The following ZNF532 variants were observed in gnomAD, a reference collection of about 807,000 sequenced individuals.
ZNF532 encodes zinc finger protein 532.
ZNF532 carries 22 observed loss-of-function variants against 89.3 expected under a neutral mutation model. The ratio of observed to expected loss-of-function variants is 0.25; its 90% CI spans 0.18 to 0.35. The LOEUF (loss-of-function observed/expected upper bound fraction) is 0.35. Ranked by LOEUF, ZNF532 falls within the 10% of genes least tolerant of loss-of-function variation. ZNF532 has a pLI of 1.00. For synonymous variants in ZNF532, 606 were observed against 649.6 expected (o/e 0.93, Z 1.02); for missense variants, 1,132 against 1,643.4 (o/e 0.69, Z 5.38).
chr18:58,920,758 G>A, intron 3 of ZNF532, 125 bp downstream of exon 3: 2 of 622,680 alleles, frequency 3.2e-6, no homozygotes, highest in Non-Finnish European at 5.4e-6. Context: ...GTGTGTGTGT[G>A]TGTGTGTGTG....
rs1023447749 is a variant in ZNF532 at position 58,985,146 on chromosome 18, C to T, written c.*680C>T. ...GAAGCTAGGAATCTAATAAGGAATG[C>T]TGATTTCCTCAGTTCCATTTTGAGG... is the stretch of plus-strand genomic sequence containing the variant. On this transcript the variant is annotated 3_prime_UTR_variant, in exon 10 of 10. Coordinates refer to ENST00000591808, the MANE Select transcript of ZNF532 (RefSeq NM_001375912.1). 2 of 152,080 alleles carry T rather than the reference C, an allele frequency of 1.3e-5. No homozygotes were observed. Among genetic ancestry groups the T allele is most frequent in the Non-Finnish European group, 2.9e-5 (2 of 68,010 alleles). 9.4% of individuals were successfully genotyped at this position (152,080 alleles called of 1,614,324 possible). A position where few individuals can be genotyped will look rare whatever the true frequency, so the allele number is the denominator to read the frequency against.
At chr18:58,931,744 C>G (rs1482554516) in intron 3 of ZNF532, 1 of 151,178 alleles carries the variant, frequency 6.6e-6, no homozygotes, top group Non-Finnish European at 1.5e-5. Flanking sequence ...TGAGAGCAGC[C>G]TTGACAATAT....
At chr18:58,966,740 T>TCTG (rs1157316851) in intron 7 of ZNF532, among the ~76,000 whole-genome samples, 5 of 82,256 alleles carry the variant, frequency 6.1e-5, no homozygotes, top group Non-Finnish European at 8.6e-5. Context: ...TTTTTTGTGT[T>TCTG]TTTTTTTTTT....
At chr18:58,900,268 C>G (rs1030984285) in intron 2 of ZNF532, among the ~76,000 whole-genome samples, 2 of 152,158 alleles carry the variant, frequency 1.3e-5, no homozygotes, top group East Asian at 3.8e-4. Context: ...TTTTGTTTTC[C>G]TAGGAGACTT....
At chr18:58,868,688 G>A (rs1334498937) in intron 2 of ZNF532, among the ~76,000 whole-genome samples, 3 of 152,254 alleles carry the variant, frequency 2.0e-5, no homozygotes, top group African/African-American at 4.8e-5. Context: ...CTGGGTGAAG[G>A]ACATTAGGGT....
At chr18:58,894,908 T>G (rs878899636) in intron 2 of ZNF532, among the ~76,000 whole-genome samples, 4 of 152,184 alleles carry the variant, frequency 2.6e-5, no homozygotes, top group Admixed American at 2.0e-4. Flanking sequence ...AGGAGGATCA[T>G]GTGAGCCCAG....
intron 2 of ZNF532, among the ~76,000 whole-genome samples, chr18:58,914,371 A>T (rs17761556): frequency 0.036 from 5,527 of 152,352 alleles, 98 homozygotes; most frequent in East Asian, 0.058. Flanking sequence ...TCATTTATAT[A>T]GGGTTTACTT....
chr18:58,863,525 C>CGCCGCCGCG (rs1568188197), upstream of ZNF532: 3 of 144,624 alleles, frequency 2.1e-5, no homozygotes, highest in Non-Finnish European at 3.1e-5. Flanking sequence ...CCGCCGCCGC[C>CGCCGCCGCG]CGGCCCGGCG....
Position 58,869,248 on chromosome 18 carries a change from C to T in ZNF532, c.-18+3669C>T, listed in dbSNP as rs772907884. 3.9e-5 allele frequency among the ~76,000 whole-genome samples: 6 copies of T among 152,214 alleles called. No homozygotes were observed. In the East Asian group the frequency reaches 5.8e-4, roughly 15 times the overall value. On this transcript the variant is annotated intron_variant, in intron 2 of 9. Transcript: ENST00000591808. Reference sequence around the variant, plus strand: ...CTTGTAACTCACAAAAAAGATCTAGCGTTGACAGCTGCAGTTAAGACTCGC... The same window carrying T: ...CTTGTAACTCACAAAAAAGATCTAGTGTTGACAGCTGCAGTTAAGACTCGC...
rs756914278 is a variant in ZNF532 at position 58,918,545 on chromosome 18, C to T, written c.258C>T (p.Gly86=). The T allele has an allele frequency of 1.9e-6, 3 of 1,614,190 alleles. No homozygotes were observed. The South Asian group carries it at 3.3e-5, about 18-fold the overall frequency. The part of the protein sequence containing the change: ...GGEKDGHNPT[G]NGLHNGFLTA... ...AGAAAGACGGCCACAACCCCACTGG[C>T]AATGGCTTACATAATGGGTTTCTCA... The change falls in exon 3 of 10, where the codon GGC becomes GGT. Residue 86 remains glycine (G), a synonymous_variant. Coordinates refer to ENST00000591808, the MANE Select transcript of ZNF532 (RefSeq NM_001375912.1).
chr18:58,979,872 C>T (rs1303176564), intron 8 of ZNF532: 2 of 152,398 alleles, frequency 1.3e-5, no homozygotes, highest in Non-Finnish European at 2.9e-5. Context: ...AGCCTGTGAC[C>T]AAATGCAAGG....
intron 2 of ZNF532, among the ~76,000 whole-genome samples, chr18:58,900,404 C>T (rs761978521): frequency 2.6e-5 from 4 of 152,210 alleles, no homozygotes; most frequent in African/African-American, 7.2e-5. Context: ...TGAGCTTCCA[C>T]GGCTTTGATA....
chr18:58,880,837 G>T (rs1187060387), intron 2 of ZNF532, among the ~76,000 whole-genome samples: 1 of 147,748 alleles, frequency 6.8e-6, no homozygotes, highest in Non-Finnish European at 1.5e-5. Context: ...TGCAAGTCTG[G>T]TTTATCTGGC....
intron 3 of ZNF532, among the ~76,000 whole-genome samples, chr18:58,930,626 T>G (rs1322082377): frequency 1.3e-5 from 1 of 74,412 alleles, no homozygotes; most frequent in East Asian, 6.5e-4. Flanking sequence ...AGACTCCATC[T>G]CAAAAAAAAA....
At chr18:58,926,872 A>T (rs185571415) in intron 3 of ZNF532, among the ~76,000 whole-genome samples, 2 of 152,276 alleles carry the variant, frequency 1.3e-5, no homozygotes, top group South Asian at 2.1e-4. Flanking sequence ...GCATTTCTGG[A>T]ATGAATCCCA....
At chr18:58,908,812 T>C (rs1189438903) in intron 2 of ZNF532, among the ~76,000 whole-genome samples, 1 of 152,252 alleles carries the variant, frequency 6.6e-6, no homozygotes, top group Non-Finnish European at 1.5e-5. Context: ...ATTAGCATAA[T>C]AGTGGCTCTT....
rs1416614959 is a variant in ZNF532 at position 58,875,498 on chromosome 18, T to G, written c.-18+9919T>G. Among the ~76,000 whole-genome samples, 3 of 152,214 alleles carry G rather than the reference T, an allele frequency of 2.0e-5. No individual in the cohort carries two copies. In the South Asian group the frequency reaches 6.2e-4, roughly 32 times the overall value. The stretch of plus-strand genomic sequence containing the variant: ...TGATAACATTGAGTCTCTCCTTCTG[T>G]TAACAAAGATAGTGCTAGTTTGGCC... On this transcript the variant is annotated intron_variant, in intron 2 of 9. Coordinates refer to ENST00000591808, the MANE Select transcript of ZNF532 (RefSeq NM_001375912.1).
intron 3 of ZNF532, among the ~76,000 whole-genome samples, chr18:58,932,805 A>G (rs2062066878): frequency 6.6e-6 from 1 of 152,124 alleles, no homozygotes; most frequent in African/African-American, 2.4e-5. Context: ...GTAGGATGGG[A>G]CCAATCTATA....
At chr18:58,943,156 ATCT>A (rs1568385639) in intron 5 of ZNF532, among the ~76,000 whole-genome samples, 2 of 140,156 alleles carry the variant, frequency 1.4e-5, no homozygotes, top group African/African-American at 5.3e-5. Context: ...CCATTACTAT[ATCT>A]TTTTTTTTTT....
Sources: gnomAD v4.1 joint callset for allele counts (sites outside exome capture counted in the v4.1 genomes callset) on GRCh38, gnomAD v4.1.1 for gene constraint, MANE v1.5 for transcripts, NCBI Gene and HGNC (gene_info 2026-07-23, HGNC 2026-07-21) for gene names.